Variants in PFKFB3 observed in about 807,000 individuals in gnomAD.
PFKFB3 encodes 6-phosphofructo-2-kinase/fructose-2,6-bisphosphatase 3.
In PFKFB3, 33 loss-of-function variants were observed where a neutral mutation model predicts 68.0. The ratio of observed to expected loss-of-function variants is 0.49; its 90% CI spans 0.37 to 0.65. PFKFB3 has a LOEUF of 0.65. Ranked by LOEUF, PFKFB3 falls within the 30% of genes least tolerant of loss-of-function variation. PFKFB3 has a pLI of 0.00. For missense variants in PFKFB3, 586 were observed against 712.2 expected (o/e 0.82, Z 2.02); for synonymous variants, 315 against 288.2 (o/e 1.09, Z -0.94).
chr10:6,284,876 T>C, the PFKFB3 span, among the ~76,000 whole-genome samples: 2 of 152,262 alleles, frequency 1.3e-5, no homozygotes, highest in African/African-American at 4.8e-5. Context: ...CTTACAATAA[T>C]GTTTTTAAGG....
Position 6,194,490 on chromosome 10 carries a change from G to A in PFKFB3, c.17-19133G>A, listed in dbSNP as rs1378876462. Among the ~76,000 whole-genome samples the A allele has an allele frequency of 2.0e-5, 3 of 152,182 alleles. 1 individual carries two copies. Among genetic ancestry groups the A allele is most frequent in the South Asian group, 2.1e-4 (1 of 4,824 alleles). On this transcript the variant is annotated intron_variant, in intron 1 of 14. Transcript: ENST00000379789. ...GACAGCTGCTTTCAAACATTTAAGG[G>A]CGAGCACCTGTTGTTGGAGGGGGAT...
At chr10:6,308,105 A>C in the PFKFB3 span, among the ~76,000 whole-genome samples, 40 of 152,336 alleles carry the variant, frequency 2.6e-4, 1 homozygote, top group South Asian at 7.9e-3. Flanking sequence ...TTTTTGCGGT[A>C]TTCTGTTATA....
the PFKFB3 span, among the ~76,000 whole-genome samples, chr10:6,290,459 T>G: frequency 2.0e-5 from 3 of 152,094 alleles, no homozygotes; most frequent in African/African-American, 7.2e-5. Context: ...TCTATTGAGA[T>G]AATCTTCTGG....
At position 6,220,926 on chromosome 10, in the gene PFKFB3, G is replaced by C. The variant is rs1844910589; in HGVS notation, c.831+61G>C. 6.8e-7 allele frequency: 1 copy of C among 1,468,366 alleles called. No individual in the cohort carries two copies. Among genetic ancestry groups the C allele is most frequent in the African/African-American group, 1.4e-5 (1 of 70,338 alleles). 91.0% of individuals were successfully genotyped at this position (1,468,366 alleles called of 1,614,324 possible). A position where few individuals can be genotyped will look rare whatever the true frequency, so the allele number is the denominator to read the frequency against. ...GTAGGGCGGTTGCAGGGTCTATAGG[G>C]TGGGTGGGGAGCTGTGTGCTGCTGC... On this transcript the variant is annotated intron_variant, in intron 8 of 14. Coordinates refer to ENST00000379775, the MANE Select transcript of PFKFB3 (RefSeq NM_004566.4). This position sits in a 1 kb window ranked among gnomAD's most constrained non-coding sequence, Gnocchi z 4.1.
the PFKFB3 span, among the ~76,000 whole-genome samples, chr10:6,281,204 C>G: frequency 1.1e-5 from 1 of 88,492 alleles, no homozygotes; most frequent in Non-Finnish European, 3.0e-5. Context: ...TCTTTATCCA[C>G]TCATTGACTG....
At chr10:6,254,594 A>G in exon 15 of PFKFB3, 1 of 365,910 alleles carries the variant, frequency 2.7e-6, no homozygotes, top group Non-Finnish European at 4.8e-6. Context: ...CCATACAACC[A>G]TTCTGTTTTT....
chr10:6,291,421 G>T, the PFKFB3 span, among the ~76,000 whole-genome samples: 1 of 152,270 alleles, frequency 6.6e-6, no homozygotes, highest in Non-Finnish European at 1.5e-5. Flanking sequence ...GCATGGTGGT[G>T]CATGTCTGCA....
rs540805975 is a variant in PFKFB3, at chr10:6,154,248, ATT to A, written c.16+9249_16+9250del. 1.1e-4 allele frequency among the ~76,000 whole-genome samples: 15 copies of A among 142,228 alleles called. No individual in the cohort carries two copies. Among genetic ancestry groups the A allele is most frequent in the Admixed American group, 7.0e-5 (1 of 14,284 alleles). The allele number at this position is 142,228 out of a possible 152,430, so 93.3% of individuals were successfully genotyped here. On this transcript the variant is annotated intron_variant, in intron 1 of 14. Coordinates refer to the PFKFB3 transcript ENST00000379789. The surrounding 1 kb of genome is among the most constrained non-coding windows in gnomAD (Gnocchi z 4.6). ...TTTGGTGGAGGTGTGGGCTGAATTAATTTTTTTTTTTTTTTGAGGCAGGGTCC... is the reference window on the plus strand; with the variant it reads ...TTTGGTGGAGGTGTGGGCTGAATTAATTTTTTTTTTTTTGAGGCAGGGTCC...
intron 1 of PFKFB3, 107 bp from the exon 2 acceptor site, chr10:6,213,516 C>T: frequency 7.2e-7 from 1 of 1,379,488 alleles, no homozygotes; most frequent in Non-Finnish European, 9.9e-7. Flanking sequence ...GACCCTGTCT[C>T]AAAAACATTT....
intron 1 of PFKFB3, among the ~76,000 whole-genome samples, chr10:6,145,893 G>A (rs1841374252): frequency 6.6e-6 from 1 of 152,230 alleles, no homozygotes; most frequent in African/African-American, 2.4e-5. Context: ...TTACAGGCCG[G>A]GTGGTTGGAG....
chr10:6,165,825 T>C (rs1041053148), intron 1 of PFKFB3, among the ~76,000 whole-genome samples: 5 of 152,054 alleles, frequency 3.3e-5, no homozygotes, highest in African/African-American at 1.2e-4. Context: ...GTCTTTGTTT[T>C]TTTTTTTGAG....
At chr10:6,190,441 G>A (rs922845426) in intron 1 of PFKFB3, among the ~76,000 whole-genome samples, 1 of 152,192 alleles carries the variant, frequency 6.6e-6, no homozygotes, top group Non-Finnish European at 1.5e-5. Context: ...ACAGTTGAGT[G>A]GATTCATGTG....
chr10:6,268,495 T>A, the PFKFB3 span, among the ~76,000 whole-genome samples: 1 of 151,798 alleles, frequency 6.6e-6, no homozygotes, highest in Non-Finnish European at 1.5e-5. Flanking sequence ...GATGTTTGCG[T>A]GCACCTGTAA....
intron 14 of PFKFB3, among the ~76,000 whole-genome samples, chr10:6,248,318 C>G (rs1846300428): frequency 6.6e-6 from 1 of 152,052 alleles, no homozygotes; most frequent in Non-Finnish European, 1.5e-5. Flanking sequence ...TCAAACCACT[C>G]TACGGAAAGA....
intron 14 of PFKFB3, among the ~76,000 whole-genome samples, chr10:6,226,978 C>G (rs1434517418): frequency 6.6e-6 from 1 of 151,966 alleles, no homozygotes; most frequent in East Asian, 1.9e-4. Flanking sequence ...CCCAGCTTCT[C>G]AGGAGGCTGA....
At chr10:6,204,902 G>A (rs553222849) in intron 1 of PFKFB3, among the ~76,000 whole-genome samples, 1 of 152,364 alleles carries the variant, frequency 6.6e-6, no homozygotes, top group East Asian at 1.9e-4. Flanking sequence ...GGTCTGAGAG[G>A]AGTGTCCCGT....
chr10:6,261,811 A>G, the PFKFB3 span, among the ~76,000 whole-genome samples: 4 of 152,126 alleles, frequency 2.6e-5, no homozygotes, highest in Non-Finnish European at 5.9e-5. Flanking sequence ...CCTGGCCAAC[A>G]TGGCGAAACT....
chr10:6,158,981 A>ACACAAATGCACAAAGT (rs1354315392), intron 1 of PFKFB3, among the ~76,000 whole-genome samples: 1 of 152,226 alleles, frequency 6.6e-6, no homozygotes, highest in East Asian at 1.9e-4. Context: ...ACCTTTACAC[A>ACACAAATGCACAAAGT]GCACAAATGC....
At chr10:6,164,489 G>A (rs1170509869) in intron 1 of PFKFB3, among the ~76,000 whole-genome samples, 2 of 152,220 alleles carry the variant, frequency 1.3e-5, no homozygotes, top group African/African-American at 4.8e-5. Context: ...GACTTCTGAA[G>A]GGGGCCAGCC....
Sources: gnomAD v4.1 joint callset for allele counts (sites outside exome capture counted in the v4.1 genomes callset) on GRCh38, gnomAD v4.1.1 for gene constraint, Gnocchi (gnomAD v3.1) non-coding constraint, MANE v1.5 for transcripts, NCBI Gene and HGNC (gene_info 2026-07-23, HGNC 2026-07-21) for gene names.